The following CLPTM1 variants were observed in gnomAD, a reference collection of about 807,000 sequenced individuals.
The protein encoded by CLPTM1 is putative lipid scramblase CLPTM1.
CLPTM1 carries 21 observed loss-of-function variants against 77.3 expected under a neutral mutation model. That is an observed-to-expected ratio of 0.27 (90% confidence interval 0.19 to 0.39). The LOEUF is 0.39. CLPTM1 is among the 10% of genes least tolerant of loss of function. The pLI, the probability that CLPTM1 is intolerant of heterozygous loss-of-function variation, is 1.00. For missense variants in CLPTM1, 642 were observed against 921.2 expected, an observed-to-expected ratio of 0.70 and a Z score of 3.92; for synonymous variants, 373 against 381.0, an observed-to-expected ratio of 0.98 and a Z score of 0.24.
chr19:44,980,613 G>C (rs1249296357), intron 5 of CLPTM1, among the ~76,000 whole-genome samples: 1 of 151,292 alleles, frequency 6.6e-6, no homozygotes, highest in Non-Finnish European at 1.5e-5. Flanking sequence ...ATGTGAGCCA[G>C]AGAAGGCATT....
At chr19:44,959,804 G>C (rs769401063) in intron 1 of CLPTM1, among the ~76,000 whole-genome samples, 2 of 152,196 alleles carry the variant, frequency 1.3e-5, no homozygotes, top group African/African-American at 2.4e-5. Context: ...GAGGGTTCCT[G>C]TTTTTCCACA....
chr19:44,956,982 T>A (rs897721563), intron 1 of CLPTM1, among the ~76,000 whole-genome samples: 3 of 152,178 alleles, frequency 2.0e-5, no homozygotes, highest in Non-Finnish European at 4.4e-5. Flanking sequence ...CATTTTAGGA[T>A]GTTTAGCAGC....
chr19:44,987,074 A>T, intron 7 of CLPTM1, 105 bp from the exon 8 acceptor site: 1 of 1,408,116 alleles, frequency 7.1e-7, no homozygotes, highest in Non-Finnish European at 9.6e-7. Context: ...CCTGTCCTCC[A>T]GTCTCTGTAG....
At chr19:44,963,626 A>G (rs1970580246) in intron 2 of CLPTM1, among the ~76,000 whole-genome samples, 2 of 125,570 alleles carry the variant, frequency 1.6e-5, no homozygotes, top group African/African-American at 6.1e-5. Flanking sequence ...CACCCAGCCT[A>G]TTTTTATTTT....
chr19:44,961,159 AGCCGGAT>A (rs1970537281), intron 1 of CLPTM1, among the ~76,000 whole-genome samples: 1 of 152,176 alleles, frequency 6.6e-6, no homozygotes, highest in Non-Finnish European at 1.5e-5. Flanking sequence ...TTTGCTCAGC[AGCCGGAT>A]GGAGCTGGTC....
At position 44,991,400 on chromosome 19, in the gene CLPTM1, G is replaced by A. The variant is rs1971073535; in HGVS notation, c.1555+27G>A. On this transcript the variant is annotated intron_variant, in intron 12 of 13. Transcript: ENST00000337392. The surrounding 1 kb of genome is among the most constrained non-coding windows in gnomAD (Gnocchi z 5.4). ...TGAGCGGTCCGGCCGCCCCAGGAGA[G>A]AGCAGGCCCCATGCTGCGCAGGGCT... 1 of 1,605,122 alleles carries A rather than the reference G, an allele frequency of 6.2e-7. No homozygotes were observed. The highest frequency in any genetic ancestry group is 8.5e-7 in the Non-Finnish European group (1 of 1,178,808).
chr19:44,977,156 G>A (rs927523509), intron 4 of CLPTM1, among the ~76,000 whole-genome samples, 187 bp from the exon 5 acceptor site: 3 of 152,136 alleles, frequency 2.0e-5, no homozygotes, highest in Non-Finnish European at 4.4e-5. Flanking sequence ...TAGAGCGGGC[G>A]TCTGAGTCTG....
chr19:44,970,068 T>C (rs1970694526), intron 2 of CLPTM1, among the ~76,000 whole-genome samples: 1 of 147,806 alleles, frequency 6.8e-6, no homozygotes, highest in Non-Finnish European at 1.5e-5. Flanking sequence ...TGTGTCCTAG[T>C]CATTATACTT....
intron 5 of CLPTM1, among the ~76,000 whole-genome samples, chr19:44,981,455 T>C (rs1033445684): frequency 2.6e-5 from 4 of 151,726 alleles, no homozygotes; most frequent in Non-Finnish European, 4.4e-5. Context: ...TAGCCAGATA[T>C]GGTGGTGCGC....
At chr19:44,964,063 G>C (rs529706638) in intron 2 of CLPTM1, among the ~76,000 whole-genome samples, 1 of 151,850 alleles carries the variant, frequency 6.6e-6, no homozygotes, top group Non-Finnish European at 1.5e-5. Context: ...ACTGGGCCCT[G>C]CCTGACCCTC....
chr19:44,980,798 A>T (rs1299843464), intron 5 of CLPTM1, among the ~76,000 whole-genome samples: 3 of 151,308 alleles, frequency 2.0e-5, no homozygotes, highest in Non-Finnish European at 2.9e-5. Flanking sequence ...ACAAAAAAAA[A>T]TTTTATTTTA....
At chr19:44,959,425 G>A (rs909178791) in intron 1 of CLPTM1, among the ~76,000 whole-genome samples, 5 of 152,210 alleles carry the variant, frequency 3.3e-5, no homozygotes, top group Admixed American at 2.6e-4. Context: ...TGTGATCCTG[G>A]TTCACTGTAG....
intron 1 of CLPTM1, among the ~76,000 whole-genome samples, chr19:44,960,309 T>G (rs114081103): frequency 3.2e-4 from 48 of 152,200 alleles, no homozygotes; most frequent in Non-Finnish European, 7.1e-4. Context: ...TTGTTTTCCA[T>G]GTACCATTTT....
intron 5 of CLPTM1, among the ~76,000 whole-genome samples, chr19:44,980,665 A>AAG (rs1385727687): frequency 6.6e-6 from 1 of 151,178 alleles, no homozygotes; most frequent in Non-Finnish European, 1.5e-5. Flanking sequence ...TAAAAAGGTA[A>AAG]AGAGAGGCCA....
intron 7 of CLPTM1, 76 bp from the exon 8 acceptor site, chr19:44,987,103 C>T (rs1386318580): frequency 1.3e-6 from 2 of 1,542,818 alleles, no homozygotes; most frequent in Non-Finnish European, 1.8e-6. Context: ...TGTTGGGTCT[C>T]TCCAGACATC....
At chr19:44,961,907 C>A in intron 1 of CLPTM1, 56 bp from the exon 2 acceptor site, 1 of 1,237,352 alleles carries the variant, frequency 8.1e-7, no homozygotes, top group South Asian at 1.5e-5. Flanking sequence ...ATGATGGTGT[C>A]TAAGACAGCC....
chr19:44,956,718 G>C (rs1376421533), intron 1 of CLPTM1, among the ~76,000 whole-genome samples: 6 of 152,136 alleles, frequency 3.9e-5, no homozygotes, highest in Admixed American at 1.3e-4. Context: ...GTTGATGGTG[G>C]CTTGAGAGAC....
At chr19:44,976,343 G>A (rs1156598014) in intron 4 of CLPTM1, among the ~76,000 whole-genome samples, 1 of 152,220 alleles carries the variant, frequency 6.6e-6, no homozygotes, top group Admixed American at 6.5e-5. Flanking sequence ...AGGAGAGCTG[G>A]GCACAGTGGC....
chr19:44,991,716 C>G lies in CLPTM1; in HGVS notation c.1555+343C>G, dbSNP rs1465260918. Among the ~76,000 whole-genome samples the G allele has an allele frequency of 6.6e-6, 1 of 152,034 alleles. No homozygotes were observed. Among genetic ancestry groups the G allele is most frequent in the Non-Finnish European group, 1.5e-5 (1 of 67,996 alleles). On this transcript the variant is annotated intron_variant, in intron 12 of 13. Coordinates refer to ENST00000337392, the MANE Select transcript of CLPTM1 (RefSeq NM_001294.4). The surrounding 1 kb of genome is among the most constrained non-coding windows in gnomAD (Gnocchi z 5.4). ...CCCAGGAATTCGTGACCAGCCTGGG[C>G]AACTTGGCAAGACCCGATCTCTACA... is the stretch of plus-strand genomic sequence containing the variant.
Sources: allele counts gnomAD v4.1 joint callset (sites outside exome capture counted in the v4.1 genomes callset), GRCh38; gene constraint gnomAD v4.1.1; non-coding constraint Gnocchi (gnomAD v3.1); transcripts MANE v1.5; gene names NCBI Gene and HGNC (gene_info 2026-07-23, HGNC 2026-07-21).